Variants in ZNF717 observed in about 807,000 individuals in gnomAD.
ZNF717 encodes the protein krueppel-like factor X17.
A neutral mutation model predicts 13.8 loss-of-function variants in ZNF717; 9 were observed. The observed-to-expected ratio is 0.65, with a 90% CI of 0.39 to 1.14. The LOEUF (loss-of-function observed/expected upper bound fraction) is 1.14, where lower values mean the gene tolerates loss of function less well. Ranked by LOEUF, ZNF717 falls within the 50% of genes most tolerant of loss-of-function variation. The probability of loss-of-function intolerance (pLI) is 0.01; values close to 1 mark genes in which losing one functional copy is unlikely to be tolerated. For missense variants in ZNF717, 1,040 were observed against 1,080.7 expected (o/e 0.96, Z 0.53); for synonymous variants, 327 against 364.1 (o/e 0.90, Z 1.16).
At chr3:75,763,745 T>C (rs201049862) in intron 2 of ZNF717, among the ~76,000 whole-genome samples, 1 of 152,126 alleles carries the variant, frequency 6.6e-6, no homozygotes, top group African/African-American at 2.4e-5. Context: ...TAGAAACACC[T>C]AGGAAGAAGG....
intron 2 of ZNF717, among the ~76,000 whole-genome samples, chr3:75,782,538 C>T (rs909534765): frequency 1.4e-4 from 21 of 152,336 alleles, no homozygotes; most frequent in African/African-American, 4.8e-4. Context: ...ACTGTTTCCA[C>T]TGCACAACAC....
chr3:75,725,251 A>G (rs1170477649), downstream of ZNF717, among the ~76,000 whole-genome samples: 12 of 1,326 alleles, frequency 9.0e-3, no homozygotes, highest in Admixed American at 0.078. Flanking sequence ...CTTCCAGACT[A>G]TATCTCTAAA....
chr3:75,777,668 C>A (rs558335243), intron 2 of ZNF717, among the ~76,000 whole-genome samples: 2 of 150,760 alleles, frequency 1.3e-5, no homozygotes, highest in East Asian at 2.0e-4. Flanking sequence ...GAACCCAAAA[C>A]AATGGGAGTG....
chr3:75,737,291 C>T lies in ZNF717; in HGVS notation c.2332G>A (p.Gly778Arg), dbSNP rs1319607702. Residue 778 changes from glycine to arginine, a missense_variant, in exon 5 of 5, where the codon GGG (glycine) becomes AGG (arginine). Transcript: ENST00000652011. The stretch of plus-strand genomic sequence containing the variant: ...TAGGGTTTCTCTCCTGAGTGAGTCC[C>T]CTGATGCGTACTGAGGTTTGACTTG... The part of the protein sequence containing the change: ...CHKSNLSTHQ[G>R]THSGEKPYEC... 3 of 1,552,720 alleles carry T rather than the reference C, an allele frequency of 1.9e-6. No individual in the cohort carries two copies. Among genetic ancestry groups the T allele is most frequent in the Admixed American group, 3.9e-5 (2 of 51,030 alleles).
chr3:75,779,174 A>T (rs1204866021), intron 2 of ZNF717, among the ~76,000 whole-genome samples: 1 of 152,146 alleles, frequency 6.6e-6, no homozygotes, highest in Non-Finnish European at 1.5e-5. Flanking sequence ...GGAACCCAAA[A>T]CAATGGGAGT....
chr3:75,744,967 A>T (rs1245795767), intron 2 of ZNF717, among the ~76,000 whole-genome samples: 2 of 152,150 alleles, frequency 1.3e-5, no homozygotes, highest in African/African-American at 4.8e-5. Context: ...AACACTTCTG[A>T]GGTTCACAGT....
intron 5 of ZNF717, among the ~76,000 whole-genome samples, chr3:75,713,584 T>C (rs1367783380): frequency 3.9e-5 from 6 of 152,200 alleles, no homozygotes; most frequent in Non-Finnish European, 8.8e-5. Context: ...TAGAAAGTCA[T>C]ATGGGTATAA....
intron 2 of ZNF717, among the ~76,000 whole-genome samples, chr3:75,775,195 C>G (rs1944216863): frequency 6.6e-6 from 1 of 152,082 alleles, no homozygotes; most frequent in African/African-American, 2.4e-5. Flanking sequence ...AACTCCTGAC[C>G]TCAGGTGATC....
chr3:75,736,693 T>A lies in ZNF717; in HGVS notation c.*185A>T. On this transcript the variant is annotated 3_prime_UTR_variant, in exon 5 of 5. Coordinates refer to ENST00000652011, the MANE Select transcript of ZNF717 (RefSeq NM_001290208.3). ...AGGAAAACAGCCATATCTGTGACAT[T>A]AAAGTGCAAAGTGTGCTGTAAAAAT... 1.7e-6 allele frequency: 1 copy of A among 602,798 alleles called. No individual in the cohort carries two copies. Among genetic ancestry groups the A allele is most frequent in the Non-Finnish European group, 2.8e-6 (1 of 359,980 alleles). 37.3% of individuals were successfully genotyped at this position (602,798 alleles called of 1,614,324 possible).
chr3:75,754,211 C>T (rs902027875), intron 2 of ZNF717, among the ~76,000 whole-genome samples: 4 of 152,174 alleles, frequency 2.6e-5, no homozygotes, highest in African/African-American at 9.7e-5. Flanking sequence ...TTTGTTATAG[C>T]CACCTAAAGA....
chr3:75,753,102 A>T (rs75184441), intron 2 of ZNF717, among the ~76,000 whole-genome samples: 2 of 139,356 alleles, frequency 1.4e-5, no homozygotes. Context: ...CACTGCTGCT[A>T]GGGTCTGAAT....
At chr3:75,711,484 AG>A (rs1937936709) in intron 5 of ZNF717, among the ~76,000 whole-genome samples, 1 of 152,198 alleles carries the variant, frequency 6.6e-6, no homozygotes, top group African/African-American at 2.4e-5. Context: ...ATTTTTATTT[AG>A]TCTACTGATC....
At chr3:75,712,242 G>C (rs1937955141) in intron 5 of ZNF717, among the ~76,000 whole-genome samples, 1 of 152,224 alleles carries the variant, frequency 6.6e-6, no homozygotes, top group Admixed American at 6.5e-5. Context: ...AAAGATATTT[G>C]ACAGAAATGG....
intron 2 of ZNF717, among the ~76,000 whole-genome samples, chr3:75,751,983 G>A (rs1234513163): frequency 1.3e-5 from 2 of 151,464 alleles, no homozygotes; most frequent in African/African-American, 2.4e-5. Flanking sequence ...GGGTCTGAAC[G>A]TTTGTCCTTC....
downstream of ZNF717, among the ~76,000 whole-genome samples, chr3:75,732,702 A>C (rs1391090678): frequency 8.5e-5 from 13 of 152,260 alleles, no homozygotes; most frequent in Non-Finnish European, 1.8e-4. Context: ...GTTGTTTACA[A>C]ATTACTTGCT....
At chr3:75,758,490 G>C (rs1245828258) in intron 2 of ZNF717, among the ~76,000 whole-genome samples, 1 of 107,256 alleles carries the variant, frequency 9.3e-6, no homozygotes, top group East Asian at 2.4e-4. Context: ...CATAAACTTA[G>C]TTGGTACAGC....
chr3:75,759,244 TAA>T (rs1458328716), intron 2 of ZNF717, among the ~76,000 whole-genome samples: 2 of 148,854 alleles, frequency 1.3e-5, no homozygotes, highest in South Asian at 2.1e-4. Context: ...AAAAAAAACT[TAA>T]GAGGGTATAT....
chr3:75,747,069 G>C (rs1941250535), intron 2 of ZNF717, among the ~76,000 whole-genome samples: 1 of 152,104 alleles, frequency 6.6e-6, no homozygotes, highest in African/African-American at 2.4e-5. Flanking sequence ...TCTGGTTTCA[G>C]CTTTCTACAT....
intron 2 of ZNF717, among the ~76,000 whole-genome samples, chr3:75,765,017 A>ATG (rs1553680573): frequency 3.2e-5 from 1 of 31,000 alleles, no homozygotes; most frequent in African/African-American, 1.0e-4. Context: ...ATATATATAT[A>ATG]TATATATATA....
Sources: allele counts gnomAD v4.1 joint callset (sites outside exome capture counted in the v4.1 genomes callset), GRCh38; gene constraint gnomAD v4.1.1; transcripts MANE v1.5; gene names NCBI Gene and HGNC (gene_info 2026-07-23, HGNC 2026-07-21).